The following C6orf62 variants were observed in gnomAD, a reference collection of about 807,000 sequenced individuals.
C6orf62 encodes chromosome 6 open reading frame 62.
A neutral mutation model predicts 26.8 loss-of-function variants in C6orf62; 16 were observed. The ratio of observed to expected loss-of-function variants is 0.60; its 90% CI spans 0.40 to 0.91. The LOEUF (loss-of-function observed/expected upper bound fraction) is 0.91, where lower values mean the gene tolerates loss of function less well. Among genes scored for constraint, C6orf62 ranks in the 40% least tolerant of loss-of-function variants. C6orf62 has a pLI of 0.00. For missense variants in C6orf62, 192 were observed against 271.4 expected, an observed-to-expected ratio of 0.71 and a Z score of 2.06; for synonymous variants, 112 against 91.5, an observed-to-expected ratio of 1.22 and a Z score of -1.28.
At chr6:24,709,490 T>TTATC (rs1554192267) in intron 3 of C6orf62, 45 of 972,268 alleles carry the variant, frequency 4.6e-5, no homozygotes, top group Admixed American at 1.2e-4. Flanking sequence ...TGCAAATCCC[T>TTATC]TAAACTTCAG....
At chr6:24,713,656 T>C (rs1402424888) in intron 3 of C6orf62, among the ~76,000 whole-genome samples, 1 of 152,140 alleles carries the variant, frequency 6.6e-6, no homozygotes, top group Non-Finnish European at 1.5e-5. Flanking sequence ...TGTAAATATA[T>C]ATATTAAAAA....
intron 3 of C6orf62, chr6:24,709,307 TG>T: frequency 1.0e-6 from 1 of 985,424 alleles, no homozygotes; most frequent in Non-Finnish European, 1.2e-6. Flanking sequence ...ATCATAAAAT[TG>T]TATTTTCAAA....
At chr6:24,712,216 C>CA (rs199813568) in intron 3 of C6orf62, among the ~76,000 whole-genome samples, 23 of 151,638 alleles carry the variant, frequency 1.5e-4, no homozygotes, top group Non-Finnish European at 1.9e-4. Context: ...TCCGTCTCTA[C>CA]AAAAAAAATA....
rs1778991725 is a variant in C6orf62 at position 24,705,546 on chromosome 6, G to A, written c.*591C>T. On this transcript the variant is annotated 3_prime_UTR_variant, in exon 5 of 5. Coordinates refer to ENST00000378119, the MANE Select transcript of C6orf62 (RefSeq NM_030939.5). Reference sequence around the variant, plus strand: ...TACATGAGTACCAGGAAACAAACATGGCCCAGTAAAATATGAGGCAAAAAT... The same window carrying A: ...TACATGAGTACCAGGAAACAAACATAGCCCAGTAAAATATGAGGCAAAAAT... 1 of 152,512 alleles carries A rather than the reference G, an allele frequency of 6.6e-6. No homozygotes were observed. The highest frequency in any genetic ancestry group is 2.4e-5 in the African/African-American group (1 of 41,404). The allele number at this position is 152,512 out of a possible 1,614,324, so 9.4% of individuals were successfully genotyped here.
At chr6:24,707,522 T>C (rs1779032915) in intron 4 of C6orf62, among the ~76,000 whole-genome samples, 1 of 152,048 alleles carries the variant, frequency 6.6e-6, no homozygotes, top group Non-Finnish European at 1.5e-5. Context: ...AATGTCCGGC[T>C]AATTTCTTTG....
intron 4 of C6orf62, among the ~76,000 whole-genome samples, chr6:24,708,166 G>C (rs991228587): frequency 1.2e-4 from 18 of 151,704 alleles, no homozygotes; most frequent in Non-Finnish European, 2.1e-4. Flanking sequence ...CACACATCTG[G>C]TAGACACGCT....
rs988976673 is a variant in C6orf62 at position 24,709,335 on chromosome 6, C to T, written c.430-424G>A. On this transcript the variant is annotated intron_variant, in intron 3 of 4. Coordinates refer to ENST00000378119, the MANE Select transcript of C6orf62 (RefSeq NM_030939.5). ...ATTTTCAAACCTACTCAGTCCAAGA[C>T]TCCCACCATAGTACTTTAAGCCCCA... 7.1e-6 allele frequency: 7 copies of T among 985,254 alleles called. No individual in the cohort carries two copies. In the African/African-American group the frequency reaches 1.2e-4, roughly 17 times the overall value. The allele number at this position is 985,254 out of a possible 1,614,324, so 61.0% of individuals were successfully genotyped here.
intron 3 of C6orf62, chr6:24,710,421 C>T (rs927101075): frequency 2.0e-5 from 7 of 349,558 alleles, no homozygotes; most frequent in Non-Finnish European, 2.8e-5. Flanking sequence ...TGCACCACCA[C>T]GCCCAGCTAA....
chr6:24,716,149 C>G lies in C6orf62; in HGVS notation c.305G>C (p.Arg102Thr). 6.2e-7 allele frequency: 1 copy of G among 1,612,876 alleles called. No homozygotes were observed. Among genetic ancestry groups the G allele is most frequent in the East Asian group, 2.2e-5 (1 of 44,856 alleles). The stretch of plus-strand genomic sequence containing the variant: ...GTCAAGACTTAAGGCAGAACTTACC[C>G]TTCTCATAGACTGATATCGAGGAGC... ...LHAPRYQSMR[R>T]DVIGCTQEMD... Residue 102 changes from arginine to threonine, a missense_variant and splice_region_variant, in exon 2 of 5, where the codon AGG (arginine) becomes ACG (threonine). By Grantham distance (71) the Arg-to-Thr change is moderately conservative. Transcript: ENST00000378119.
At position 24,716,305 on chromosome 6, in the gene C6orf62, A is replaced by G; in HGVS notation, c.149T>C (p.Phe50Ser). ...GACTGGTATAACCTCAGACACTTCAAAAAGTGCTGACTTTTTCTTCTAGAA... is the reference window on the plus strand; with the variant it reads ...GACTGGTATAACCTCAGACACTTCAGAAAGTGCTGACTTTTTCTTCTAGAA... ...FKEKKKKSALFEVSEVIPVMT... is the reference protein window; with the variant it reads ...FKEKKKKSALSEVSEVIPVMT... The change falls in exon 2 of 5, where the codon TTT becomes TCT. Residue 50 changes from phenylalanine (F) to serine (S), a missense_variant. Physicochemically the swap from Phe to Ser is radical, Grantham distance 155 (BLOSUM62 -2). Coordinates refer to ENST00000378119, the MANE Select transcript of C6orf62 (RefSeq NM_030939.5). 1 of 1,613,860 alleles carries G rather than the reference A, an allele frequency of 6.2e-7. No individual in the cohort carries two copies. Among genetic ancestry groups the G allele is most frequent in the Non-Finnish European group, 8.5e-7 (1 of 1,179,802 alleles).
At chr6:24,718,289 A>C (rs1779274750) in intron 1 of C6orf62, among the ~76,000 whole-genome samples, 1 of 152,156 alleles carries the variant, frequency 6.6e-6, no homozygotes, top group Admixed American at 6.5e-5. Context: ...CCCCATGTCA[A>C]CTCAGTGTAT....
chr6:24,717,574 A>C (rs1779258411), intron 1 of C6orf62, among the ~76,000 whole-genome samples: 1 of 152,248 alleles, frequency 6.6e-6, no homozygotes, highest in Non-Finnish European at 1.5e-5. Context: ...CAGGAGGATC[A>C]CTTTAGCCCA....
intron 2 of C6orf62, among the ~76,000 whole-genome samples, chr6:24,714,777 C>T (rs1779190604): frequency 6.6e-6 from 1 of 151,998 alleles, no homozygotes; most frequent in Non-Finnish European, 1.5e-5. Flanking sequence ...CACCATGCCC[C>T]GCTAATATTT....
At chr6:24,719,969 G>A (rs779647352), upstream of C6orf62, 2 of 1,542,538 alleles carry the variant, frequency 1.3e-6, no homozygotes, top group Non-Finnish European at 1.7e-6. Context: ...GGTTCAGTGG[G>A]GGAAAAAAAG....
rs1266770394 is a variant in C6orf62, at chr6:24,708,838, C to G, written c.503G>C (p.Gly168Ala). ...LHVLSRKDKTGIVVNNPNQSV... is the reference protein window; with the variant it reads ...LHVLSRKDKTAIVVNNPNQSV... Reference sequence around the variant, plus strand: ...CTGGTTAGGATTGTTGACAACGATTCCAGTCTTGTCCTTGCGGCTCAGTAC... The same window carrying G: ...CTGGTTAGGATTGTTGACAACGATTGCAGTCTTGTCCTTGCGGCTCAGTAC... The change falls in exon 4 of 5, where the codon GGA becomes GCA. Residue 168 changes from glycine (G) to alanine (A), a missense_variant. Coordinates refer to ENST00000378119, the MANE Select transcript of C6orf62 (RefSeq NM_030939.5). 2 of 1,614,158 alleles carry G rather than the reference C, an allele frequency of 1.2e-6. No homozygotes were observed. The highest frequency in any genetic ancestry group is 1.7e-6 in the Non-Finnish European group (2 of 1,180,030).
chr6:24,710,662 A>T, intron 3 of C6orf62: 1 of 973,762 alleles, frequency 1.0e-6, no homozygotes, highest in Middle Eastern at 5.3e-4. Flanking sequence ...GCCTTTAAAG[A>T]TTAAGAGGAT....
intron 3 of C6orf62, among the ~76,000 whole-genome samples, chr6:24,711,842 A>G (rs1489365339): frequency 4.6e-5 from 7 of 152,114 alleles, no homozygotes; most frequent in African/African-American, 1.7e-4. Context: ...TACAATATTA[A>G]CCTACTTACT....
rs1779184992 is a variant in C6orf62, at chr6:24,714,447, A to T, written c.307-7T>A. 1.9e-6 allele frequency: 3 copies of T among 1,544,486 alleles called. No homozygotes were observed. The highest frequency in any genetic ancestry group is 2.6e-6 in the Non-Finnish European group (3 of 1,148,898). On this transcript the variant is annotated splice_region_variant and splice_polypyrimidine_tract_variant and intron_variant, in intron 2 of 4. Transcript: ENST00000378119. ...GAGTACAGCCAATTACATCCTATAA[A>T]ATGATTAAAAAAAAAAAAGTTTACT...
chr6:24,714,552 T>A, intron 2 of C6orf62, 112 bp from the exon 3 acceptor site: 2 of 673,302 alleles, frequency 3.0e-6, no homozygotes, highest in East Asian at 2.9e-5. Flanking sequence ...ACAAAAGATC[T>A]ACCATATATC....
Sources: allele counts gnomAD v4.1 joint callset (sites outside exome capture counted in the v4.1 genomes callset), GRCh38; gene constraint gnomAD v4.1.1; transcripts MANE v1.5; gene names NCBI Gene and HGNC (gene_info 2026-07-23, HGNC 2026-07-21).